ADGRA1: variants seen among roughly 807,000 people sequenced by gnomAD.
ADGRA1 encodes the protein G-protein coupled receptor 123.
Under a neutral mutation model 21.3 loss-of-function variants are expected in ADGRA1, and 12 were observed. The ratio of observed to expected loss-of-function variants is 0.56; its 90% CI spans 0.36 to 0.91. The LOEUF (loss-of-function observed/expected upper bound fraction) is 0.91. Ranked by LOEUF, ADGRA1 falls within the 40% of genes least tolerant of loss-of-function variation. The pLI, the probability that ADGRA1 is intolerant of heterozygous loss-of-function variation, is 0.01. For missense variants in ADGRA1, 790 were observed against 805.6 expected, an observed-to-expected ratio of 0.98 and a Z score of 0.23; for synonymous variants, 385 against 368.8, an observed-to-expected ratio of 1.04 and a Z score of -0.50.
rs116118075 is a variant in ADGRA1 at position 133,130,814 on chromosome 10, C to T, written c.*1303C>T. The T allele has an allele frequency of 0.04, 6,107 of 151,730 alleles. 129 individuals are homozygous for T. The highest frequency in any genetic ancestry group is 0.044 in the Non-Finnish European group (2,960 of 67,936). The allele number at this position is 151,730 out of a possible 1,614,324, so 9.4% of individuals were successfully genotyped here. A position where few individuals can be genotyped will look rare whatever the true frequency, so the allele number is the denominator to read the frequency against. ...CACACAAACGTGCATATCACACACA[C>T]GCACACACACCCAAACACGTGCATA... On this transcript the variant is annotated 3_prime_UTR_variant, in exon 7 of 7. Coordinates refer to ENST00000392607, the MANE Select transcript of ADGRA1 (RefSeq NM_001083909.3).
At chr10:133,097,570 C>G (rs1006812357) in intron 3 of ADGRA1, among the ~76,000 whole-genome samples, 47 of 152,312 alleles carry the variant, frequency 3.1e-4, no homozygotes, top group African/African-American at 1.1e-3. Flanking sequence ...AAGGTCGCCT[C>G]GGTCACGGAC....
At chr10:133,124,104 A>T (rs1852328852) in intron 5 of ADGRA1, among the ~76,000 whole-genome samples, 1 of 151,792 alleles carries the variant, frequency 6.6e-6, no homozygotes, top group Non-Finnish European at 1.5e-5. Flanking sequence ...GTGGTGATGC[A>T]CTCAGGGCTG....
chr10:133,129,579 G>A lies in ADGRA1; in HGVS notation c.*68G>A. 7.2e-7 allele frequency: 1 copy of A among 1,381,668 alleles called. No individual in the cohort carries two copies. Among genetic ancestry groups the A allele is most frequent in the Non-Finnish European group, 9.7e-7 (1 of 1,029,192 alleles). The allele number at this position is 1,381,668 out of a possible 1,614,324, so 85.6% of individuals were successfully genotyped here. A position where few individuals can be genotyped will look rare whatever the true frequency, so the allele number is the denominator to read the frequency against. On this transcript the variant is annotated 3_prime_UTR_variant, in exon 7 of 7. Transcript: ENST00000392607. ...AGAGTGGGGGGCCCATCTGCCACAT[G>A]AGGTCACTGGGGGTACCGAAGTGAC...
At chr10:133,098,880 C>A in intron 4 of ADGRA1, 117 bp downstream of exon 4, 1 of 1,368,476 alleles carries the variant, frequency 7.3e-7, no homozygotes, top group Non-Finnish European at 9.9e-7. Context: ...GAGGGTCGGA[C>A]CCTGGCACAT....
Position 133,129,631 on chromosome 10 carries a change from C to T in ADGRA1, c.*120C>T, listed in dbSNP as rs1449835274. On this transcript the variant is annotated 3_prime_UTR_variant, in exon 7 of 7. Transcript: ENST00000392607. Reference sequence around the variant, plus strand: ...CCGCCTTTCAGAAGCCGTTCACACCCCTGCCCCTTCCTTGTGATCACACCC... The same window carrying T: ...CCGCCTTTCAGAAGCCGTTCACACCTCTGCCCCTTCCTTGTGATCACACCC... 5.9e-6 allele frequency: 3 copies of T among 504,304 alleles called. No homozygotes were observed. Among genetic ancestry groups the T allele is most frequent in the Non-Finnish European group, 9.5e-6 (3 of 315,544 alleles). 31.2% of individuals were successfully genotyped at this position (504,304 alleles called of 1,614,324 possible). A position where few individuals can be genotyped will look rare whatever the true frequency, so the allele number is the denominator to read the frequency against.
chr10:133,123,346 C>G (rs1275377400), intron 5 of ADGRA1, among the ~76,000 whole-genome samples: 1 of 152,236 alleles, frequency 6.6e-6, no homozygotes, highest in Non-Finnish European at 1.5e-5. Flanking sequence ...TTCCTCACAT[C>G]AGCCCGAGCG....
chr10:133,106,629 C>T (rs1449255332), intron 5 of ADGRA1, among the ~76,000 whole-genome samples: 1 of 152,254 alleles, frequency 6.6e-6, no homozygotes, highest in Admixed American at 6.5e-5. Context: ...AGGAAGGGCA[C>T]CAGCCATGAG....
Position 133,088,737 on chromosome 10 carries a change from C to A in ADGRA1, c.-173C>A, listed in dbSNP as rs1851546627. 1.6e-6 allele frequency: 2 copies of A among 1,230,424 alleles called. No homozygotes were observed. The highest frequency in any genetic ancestry group is 3.1e-5 in the African/African-American group (2 of 64,378). 76.2% of individuals were successfully genotyped at this position (1,230,424 alleles called of 1,614,324 possible). On this transcript the variant is annotated 5_prime_UTR_variant, in exon 2 of 7. Transcript: ENST00000392607. Reference sequence around the variant, plus strand: ...GAGCAGCTCCCGGACTGCGCCCGCCCCGCCGCGGTCACCCTGAGGCCAGGG... The same window carrying A: ...GAGCAGCTCCCGGACTGCGCCCGCCACGCCGCGGTCACCCTGAGGCCAGGG...
intron 4 of ADGRA1, among the ~76,000 whole-genome samples, chr10:133,099,047 G>A (rs554375012): frequency 2.6e-4 from 40 of 151,906 alleles, no homozygotes; most frequent in African/African-American, 8.9e-4. Flanking sequence ...TGCCCCTCCC[G>A]GAGAAAGTGC....
At chr10:133,111,893 A>ACCACCTGCCCACCACGGG (rs1564849546) in intron 5 of ADGRA1, among the ~76,000 whole-genome samples, 10 of 17,224 alleles carry the variant, frequency 5.8e-4, no homozygotes, top group African/African-American at 1.1e-3. Context: ...CCCACCACAG[A>ACCACCTGCCCACCACGGG]CACCTCCCTC....
chr10:133,096,383 T>A (rs1047765473), intron 2 of ADGRA1, among the ~76,000 whole-genome samples: 1 of 152,230 alleles, frequency 6.6e-6, no homozygotes, highest in African/African-American at 2.4e-5. Context: ...CTTTGAACTC[T>A]GACCCTGAAC....
intron 4 of ADGRA1, chr10:133,102,243 G>A (rs762556015): frequency 3.6e-5 from 17 of 468,712 alleles, no homozygotes; most frequent in Admixed American, 1.1e-4. Flanking sequence ...CACGAATGCC[G>A]TCCCCGTGGG....
chr10:133,111,185 C>T, intron 5 of ADGRA1, among the ~76,000 whole-genome samples: 1 of 52,066 alleles, frequency 1.9e-5, no homozygotes. Flanking sequence ...GTGAGCACCT[C>T]CCTCCTAATC....
intron 5 of ADGRA1, among the ~76,000 whole-genome samples, chr10:133,113,181 T>A (rs1176273827): frequency 6.0e-5 from 9 of 150,140 alleles, no homozygotes; most frequent in Non-Finnish European, 5.9e-5. Context: ...CGTCGGTTAT[T>A]TGAGGTCTGT....
At chr10:133,114,775 G>A (rs550681860) in intron 5 of ADGRA1, among the ~76,000 whole-genome samples, 8 of 152,272 alleles carry the variant, frequency 5.3e-5, no homozygotes, top group African/African-American at 9.6e-5. Context: ...GATGGGTCCC[G>A]TGTCCCAGGG....
rs996221628 is a variant in ADGRA1, at chr10:133,129,147, T to G, written c.1319T>G (p.Ile440Ser). The G allele has an allele frequency of 1.3e-6, 2 of 1,554,756 alleles. No homozygotes were observed. Among genetic ancestry groups the G allele is most frequent in the Non-Finnish European group, 1.7e-6 (2 of 1,149,220 alleles). Residue 440 changes from isoleucine to serine, a missense_variant, in exon 7 of 7, where the codon ATC (isoleucine) becomes AGC (serine). Physicochemically the swap from Ile to Ser is moderately radical, Grantham distance 142. This residue lies in a region of ADGRA1 where 391 missense variants were observed against 351.5 expected (regional missense o/e 1.11). Transcript: ENST00000392607. ...PAEEPEYAYH[I>S]PSSLDGSPRS... ...GAGGAGCCCGAGTACGCCTACCACA[T>G]CCCATCCAGCCTGGATGGCAGCCCC...
chr10:133,097,190 C>T, intron 3 of ADGRA1, 89 bp downstream of exon 3: 6 of 1,481,932 alleles, frequency 4.0e-6, no homozygotes, highest in South Asian at 1.2e-5. Flanking sequence ...AATGCCACTG[C>T]CCCCTCATGT....
chr10:133,100,840 A>G (rs142705182), intron 4 of ADGRA1, among the ~76,000 whole-genome samples: 1 of 152,328 alleles, frequency 6.6e-6, no homozygotes, highest in Non-Finnish European at 1.5e-5. Flanking sequence ...GTGGAAAATG[A>G]ACCGTGGGAG....
chr10:133,096,118 A>C (rs920476709), intron 2 of ADGRA1, among the ~76,000 whole-genome samples: 5 of 152,232 alleles, frequency 3.3e-5, no homozygotes, highest in African/African-American at 4.8e-5. Flanking sequence ...TGTTTCCCAC[A>C]GTCTGGAGGC....
Sources: gnomAD v4.1 joint callset for allele counts (sites outside exome capture counted in the v4.1 genomes callset) on GRCh38, gnomAD v4.1.1 for gene constraint, gnomAD v4.1.1 regional missense constraint, MANE v1.5 for transcripts, NCBI Gene and HGNC (gene_info 2026-07-23, HGNC 2026-07-21) for gene names.